Variants in ACVRL1 observed in about 807,000 individuals in gnomAD.
ACVRL1 encodes activin receptor type-1-like.
In ACVRL1, 20 loss-of-function variants were observed where a neutral mutation model predicts 51.9. The ratio of observed to expected loss-of-function variants is 0.39; its 90% confidence interval spans 0.27 to 0.56. The LOEUF (loss-of-function observed/expected upper bound fraction) is 0.56. Among genes scored for constraint, ACVRL1 ranks in the 20% least tolerant of loss-of-function variants. The pLI is 0.67. For missense variants in ACVRL1, 451 were observed against 670.3 expected (o/e 0.67, Z 3.61); for synonymous variants, 288 against 280.9 (o/e 1.03, Z -0.25).
At chr12:51,912,605 C>A in intron 2 of ACVRL1, 70 bp downstream of exon 2, 1 of 1,348,818 alleles carries the variant, frequency 7.4e-7, no homozygotes, top group Non-Finnish European at 1.1e-6. Context: ...CCCAGATCAG[C>A]TCTGCCTGGG....
intron 6 of ACVRL1, among the ~76,000 whole-genome samples, chr12:51,914,996 G>C (rs1177272883): frequency 6.6e-6 from 1 of 152,034 alleles, no homozygotes; most frequent in African/African-American, 2.4e-5. Flanking sequence ...CTCTTGCCTT[G>C]GCCTCCCAAA....
rs978081269 is a variant in ACVRL1 at position 51,913,512 on chromosome 12, G to A, written c.314-47G>A. On this transcript the variant is annotated intron_variant, in intron 3 of 9. Coordinates refer to ENST00000388922, the MANE Select transcript of ACVRL1 (RefSeq NM_000020.3). ...GCAGAGTGGTCTGGCCCGAGGTGGG[G>A]GGAGCTGACCTAGTGGAAGCTGAGC... is the stretch of plus-strand genomic sequence containing the variant. 7 of 1,567,890 alleles carry A rather than the reference G, an allele frequency of 4.5e-6. No individual in the cohort carries two copies. The Admixed American group carries it at 5.3e-5, about 12-fold the overall frequency.
intron 7 of ACVRL1, 98 bp from the exon 8 acceptor site, chr12:51,915,938 C>T: frequency 1.5e-6 from 2 of 1,358,628 alleles, no homozygotes; most frequent in African/African-American, 1.4e-5. Context: ...ATCTGCCTTC[C>T]CCTCTCTGTC....
intron 9 of ACVRL1, among the ~76,000 whole-genome samples, chr12:51,920,512 A>AT (rs974144593): frequency 9.9e-5 from 15 of 151,090 alleles, no homozygotes; most frequent in African/African-American, 3.2e-4. Context: ...TCCATTTTTT[A>AT]TTTTTTTGTC....
Position 51,920,420 on chromosome 12 carries a change from T to G in ACVRL1, c.1378-339T>G, listed in dbSNP as rs74094826. 0.048 allele frequency among the ~76,000 whole-genome samples: 7,266 copies of G among 152,260 alleles called. 567 individuals are homozygous for G. The highest frequency in any genetic ancestry group is 0.16 in the African/African-American group (6,718 of 41,524). ...CAGACACTGCTTGCCCAAGGGGGCTTGAGTGCTCCTGAAGATCTGAGTTCT... is the reference window on the plus strand; with the variant it reads ...CAGACACTGCTTGCCCAAGGGGGCTGGAGTGCTCCTGAAGATCTGAGTTCT... On this transcript the variant is annotated intron_variant, in intron 9 of 9. Coordinates refer to ENST00000388922, the MANE Select transcript of ACVRL1 (RefSeq NM_000020.3).
At position 51,913,994 on chromosome 12, in the gene ACVRL1, C is replaced by T; in HGVS notation, c.546C>T (p.Cys182=). ...CCCAGGACCTCCTGGACAGTGACTG[C>T]ACCACAGGGAGTGGCTCAGGGCTCC... ...SMLGDLLDSD[C]TTGSGSGLPF... Residue 182 remains cysteine, a synonymous_variant, in exon 5 of 10, where the codon TGC becomes TGT. Coordinates refer to ENST00000388922, the MANE Select transcript of ACVRL1 (RefSeq NM_000020.3). 6 of 1,613,696 alleles carry T rather than the reference C, an allele frequency of 3.7e-6. No individual in the cohort carries two copies. Among genetic ancestry groups the T allele is most frequent in the Non-Finnish European group, 4.2e-6 (5 of 1,179,798 alleles).
At position 51,912,541 on chromosome 12, in the gene ACVRL1, T is replaced by A; in HGVS notation, c.61+6T>A. On this transcript the variant is annotated splice_donor_region_variant and intron_variant, in intron 2 of 9. Transcript: ENST00000388922. ...GATGGCCTTGGTGACCCAGGGTGAG[T>A]ACTGGGGGAGCAGTTAGGAAACAGG... is the stretch of plus-strand genomic sequence containing the variant. 1 of 1,607,346 alleles carries A rather than the reference T, an allele frequency of 6.2e-7. No individual in the cohort carries two copies. Among genetic ancestry groups the A allele is most frequent in the East Asian group, 2.2e-5 (1 of 44,840 alleles).
At chr12:51,912,378 A>G (rs1592220838) in intron 1 of ACVRL1, 92 bp from the exon 2 acceptor site, 1 of 1,449,070 alleles carries the variant, frequency 6.9e-7, no homozygotes, top group Non-Finnish European at 9.6e-7. Context: ...TCCAAAAAAA[A>G]CTCTGTGATT....
chr12:51,916,248 T>C lies in ACVRL1; in HGVS notation c.1246+15T>C, dbSNP rs1182875277. The C allele has an allele frequency of 1.2e-6, 2 of 1,612,486 alleles. No homozygotes were observed. Among genetic ancestry groups the C allele is most frequent in the Non-Finnish European group, 1.7e-6 (2 of 1,179,464 alleles). ...CATCGTGAATGGTGAGGGCCCACCC[T>C]ACACAGGGTAGGGAAAGGGGAATCA... On this transcript the variant is annotated intron_variant, in intron 8 of 9. Coordinates refer to ENST00000388922, the MANE Select transcript of ACVRL1 (RefSeq NM_000020.3).
Position 51,919,900 on chromosome 12 carries a change from G to A in ACVRL1, c.1377+785G>A, listed in dbSNP as rs568206326. On this transcript the variant is annotated intron_variant, in intron 9 of 9. Coordinates refer to ENST00000388922, the MANE Select transcript of ACVRL1 (RefSeq NM_000020.3). ...TGTTGGCCCCGTGAGGACAAAGAACGTGTCTTTTGCTCACCCTTATGTCCC... is the reference window on the plus strand; with the variant it reads ...TGTTGGCCCCGTGAGGACAAAGAACATGTCTTTTGCTCACCCTTATGTCCC... 3.0e-4 allele frequency among the ~76,000 whole-genome samples: 46 copies of A among 152,282 alleles called. 1 individual carries two copies. The South Asian group carries it at 8.7e-3, about 29-fold the overall frequency.
rs1940968957 is a variant in ACVRL1, at chr12:51,921,060, C to CTGAA, written c.*168_*171dup. The CTGAA allele has an allele frequency of 1.2e-6, 1 of 804,544 alleles. No individual in the cohort carries two copies. The highest frequency in any genetic ancestry group is 2.2e-5 in the Admixed American group (1 of 46,118). The allele number at this position is 804,544 out of a possible 1,614,324, so 49.8% of individuals were successfully genotyped here. Reference sequence around the variant, plus strand: ...CCACCCAGCCAAAAATACAGCTGGGCTGAAACCTGATCCCCTGCTGTCTGG... The same window carrying CTGAA: ...CCACCCAGCCAAAAATACAGCTGGGCTGAATGAAACCTGATCCCCTGCTGTCTGG... On this transcript the variant is annotated 3_prime_UTR_variant, in exon 10 of 10. Transcript: ENST00000388922.
intron 6 of ACVRL1, 131 bp downstream of exon 6, chr12:51,914,716 T>TTTCAA: frequency 3.2e-6 from 1 of 315,700 alleles, no homozygotes; most frequent in Non-Finnish European, 5.3e-6. Flanking sequence ...CAACCTCTTT[T>TTTCAA]TTTAATTTAA....
In ACVRL1 at chr12:51,913,296, C is replaced by G. The variant is rs1430932447; in HGVS notation, c.259C>G (p.His87Asp). 1 of 1,610,478 alleles carries G rather than the reference C, an allele frequency of 6.2e-7. No homozygotes were observed. Among genetic ancestry groups the G allele is most frequent in the Non-Finnish European group, 8.5e-7 (1 of 1,178,762 alleles). The change falls in exon 3 of 10, where the codon CAC becomes GAC. Residue 87 changes from histidine (H) to aspartate (D), a missense_variant. Around this residue, in one of 2 missense-constraint regions of ACVRL1, gnomAD observed 192 missense variants for 216.9 expected, o/e 0.89. Transcript: ENST00000388922. ...CRGRPTEFVNHYCCDSHLCNH... is the reference protein window; with the variant it reads ...CRGRPTEFVNDYCCDSHLCNH... The stretch of plus-strand genomic sequence containing the variant: ...GGGGCGCCCCACCGAGTTCGTCAAC[C>G]ACTACTGCTGCGACAGCCACCTCTG...
chr12:51,913,045 C>T, intron 2 of ACVRL1, 54 bp from the exon 3 acceptor site: 1 of 1,579,866 alleles, frequency 6.3e-7, no homozygotes, highest in Non-Finnish European at 8.5e-7. Context: ...GGGTGTCGGG[C>T]TCAGCCTGGG....
intron 2 of ACVRL1, 46 bp from the exon 3 acceptor site, chr12:51,913,053 G>C (rs1183772350): frequency 3.2e-6 from 5 of 1,586,910 alleles, no homozygotes; most frequent in Non-Finnish European, 4.3e-6. Flanking sequence ...GGCTCAGCCT[G>C]GGGGAGCTGG....
chr12:51,910,009 G>C (rs969890002), intron 1 of ACVRL1, among the ~76,000 whole-genome samples: 1 of 152,218 alleles, frequency 6.6e-6, no homozygotes, highest in Non-Finnish European at 1.5e-5. Flanking sequence ...CTGTGCTACA[G>C]TCAGATTTCA....
At chr12:51,919,248 AG>A in intron 9 of ACVRL1, 133 bp downstream of exon 9, 3 of 1,377,852 alleles carry the variant, frequency 2.2e-6, no homozygotes, top group Non-Finnish European at 3.0e-6. Flanking sequence ...GCACCTCTCT[AG>A]GTACTCCCTC....
Position 51,917,090 on chromosome 12 carries a change from TTGTTGTAGATAGAA to T in ACVRL1, c.1246+860_1246+873del, listed in dbSNP as rs1940858941. Among the ~76,000 whole-genome samples, 2 of 152,332 alleles carry T rather than the reference TTGTTGTAGATAGAA, an allele frequency of 1.3e-5. No homozygotes were observed. Among genetic ancestry groups the T allele is most frequent in the Admixed American group, 1.3e-4 (2 of 15,306 alleles). ...TAGAGCTAAATATTAGTGGCTGTTA[TTGTTGTAGATAGAA>T]TGAGTGCCTGACATCATATTGTCCC... On this transcript the variant is annotated intron_variant, in intron 8 of 9. Transcript: ENST00000388922. This position sits in a 1 kb window ranked among gnomAD's most constrained non-coding sequence, Gnocchi z 4.2.
At chr12:51,908,692 ATACTCTGC>A (rs911898557) in intron 1 of ACVRL1, among the ~76,000 whole-genome samples, 5 of 152,190 alleles carry the variant, frequency 3.3e-5, no homozygotes, top group African/African-American at 9.7e-5. Flanking sequence ...TGTACTACTT[ATACTCTGC>A]TAAATAATTG....
Sources: allele counts gnomAD v4.1 joint callset (sites outside exome capture counted in the v4.1 genomes callset), GRCh38; gene constraint gnomAD v4.1.1; regional missense constraint gnomAD v4.1.1; non-coding constraint Gnocchi (gnomAD v3.1); transcripts MANE v1.5; gene names NCBI Gene and HGNC (gene_info 2026-07-23, HGNC 2026-07-21).